Variants in AGBL4 observed in about 807,000 individuals in gnomAD.
AGBL4 encodes cytosolic carboxypeptidase 6.
AGBL4 carries 58 observed loss-of-function variants against 66.4 expected under a neutral mutation model. The observed-to-expected ratio is 0.87, with a 90% CI of 0.71 to 1.09. The LOEUF is 1.09. AGBL4 is among the 50% of genes least tolerant of loss of function. AGBL4 has a pLI of 0.00. For synonymous variants in AGBL4, 234 were observed against 222.9 expected, an observed-to-expected ratio of 1.05 and a Z score of -0.44; for missense variants, 579 against 631.0, an observed-to-expected ratio of 0.92 and a Z score of 0.88.
intron 6 of AGBL4, among the ~76,000 whole-genome samples, chr1:48,676,672 C>A (rs1472483406): frequency 1.3e-5 from 2 of 152,194 alleles, no homozygotes. Context: ...GGTGAACCAT[C>A]CTGCAGAAAC....
chr1:48,798,374 T>G (rs768222559), intron 6 of AGBL4, among the ~76,000 whole-genome samples: 35 of 152,334 alleles, frequency 2.3e-4, no homozygotes, highest in Non-Finnish European at 4.1e-4. Context: ...ATTCTGGATA[T>G]TAGTCCTTTG....
chr1:49,146,488 T>C (rs1157707011), intron 4 of AGBL4, among the ~76,000 whole-genome samples: 4 of 152,126 alleles, frequency 2.6e-5, no homozygotes, highest in Non-Finnish European at 5.9e-5. Flanking sequence ...TGTGGTGTGA[T>C]GAAACACAGA....
intron 3 of AGBL4, among the ~76,000 whole-genome samples, chr1:49,252,690 A>G (rs564724972): frequency 6.6e-6 from 1 of 152,344 alleles, no homozygotes; most frequent in Non-Finnish European, 1.5e-5. Context: ...ATGGAAGCCC[A>G]TAAGACTAAC....
chr1:49,213,119 G>A (rs1463781265), intron 4 of AGBL4, among the ~76,000 whole-genome samples: 1 of 151,966 alleles, frequency 6.6e-6, no homozygotes, highest in Non-Finnish European at 1.5e-5. Context: ...CTTCAATGGT[G>A]GAGAAGGGTA....
At chr1:49,770,985 T>C (rs1644041189) in intron 2 of AGBL4, among the ~76,000 whole-genome samples, 1 of 152,130 alleles carries the variant, frequency 6.6e-6, no homozygotes, top group Non-Finnish European at 1.5e-5. Flanking sequence ...TTTTAAATTT[T>C]TTTTAGTCTC....
chr1:48,818,311 C>T (rs1646234029), intron 6 of AGBL4: 1 of 715,066 alleles, frequency 1.4e-6, no homozygotes, highest in South Asian at 1.5e-5. Context: ...ATATTTATGG[C>T]CATATTTGAA....
intron 2 of AGBL4, among the ~76,000 whole-genome samples, chr1:49,802,362 G>A (rs1160966111): frequency 6.6e-6 from 1 of 152,124 alleles, no homozygotes; most frequent in Non-Finnish European, 1.5e-5. Context: ...ACTCCCTTCT[G>A]AGAATTTCTG....
At chr1:48,861,145 A>G (rs992423713) in intron 6 of AGBL4, among the ~76,000 whole-genome samples, 32 of 152,196 alleles carry the variant, frequency 2.1e-4, no homozygotes, top group Non-Finnish European at 4.1e-4. Flanking sequence ...AAAAAAATCT[A>G]GACTAGACAT....
intron 6 of AGBL4, among the ~76,000 whole-genome samples, chr1:48,774,921 G>A (rs1305834406): frequency 6.6e-6 from 1 of 152,126 alleles, no homozygotes; most frequent in African/African-American, 2.4e-5. Context: ...TACTCTCCTA[G>A]GACCCTTCCA....
chr1:49,880,241 G>T lies in AGBL4; in HGVS notation c.35-28723C>A, dbSNP rs1049583567. Among the ~76,000 whole-genome samples, 137 of 151,988 alleles carry T rather than the reference G, an allele frequency of 9.0e-4. 2 individuals carry two copies. The highest frequency in any genetic ancestry group is 9.0e-3 in the East Asian group (46 of 5,124). ...CTTTGGAGGAGGAGAGGCGCTCTGC[G>T]TTTTAGAGTTTCCAGATTTTCTGTT... is the stretch of plus-strand genomic sequence containing the variant. On this transcript the variant is annotated intron_variant, in intron 1 of 13. Coordinates refer to ENST00000371839, the MANE Select transcript of AGBL4 (RefSeq NM_032785.4).
chr1:49,151,660 A>G (rs1363185021), intron 4 of AGBL4, among the ~76,000 whole-genome samples: 1 of 152,066 alleles, frequency 6.6e-6, no homozygotes, highest in Admixed American at 6.6e-5. Flanking sequence ...TATTCTGGCG[A>G]AAAAAGACAG....
intron 9 of AGBL4, among the ~76,000 whole-genome samples, chr1:48,618,135 G>A (rs1397896929): frequency 1.3e-5 from 2 of 152,204 alleles, no homozygotes; most frequent in African/African-American, 2.4e-5. Flanking sequence ...TTGGAAGGCT[G>A]AGATGGGAAG....
intron 2 of AGBL4, among the ~76,000 whole-genome samples, chr1:49,833,234 C>T (rs1645747668): frequency 6.6e-6 from 1 of 152,178 alleles, no homozygotes; most frequent in Admixed American, 6.5e-5. Context: ...TTCCAAGCAC[C>T]ATTTATTTAA....
intron 2 of AGBL4, among the ~76,000 whole-genome samples, chr1:49,754,755 A>G (rs1360955474): frequency 6.6e-6 from 1 of 152,234 alleles, no homozygotes; most frequent in Non-Finnish European, 1.5e-5. Context: ...CAGAGCCATT[A>G]GCAGGAACAT....
At chr1:49,060,743 T>G (rs923833664) in intron 4 of AGBL4, among the ~76,000 whole-genome samples, 15 of 152,030 alleles carry the variant, frequency 9.9e-5, no homozygotes, top group African/African-American at 3.6e-4. Flanking sequence ...AATAGGACAA[T>G]ATAGAGCCCT....
chr1:48,620,109 A>T (rs1355424917), intron 9 of AGBL4, among the ~76,000 whole-genome samples: 1 of 152,166 alleles, frequency 6.6e-6, no homozygotes, highest in African/African-American at 2.4e-5. Context: ...CAAATGCAGG[A>T]AACCCTATGA....
chr1:48,698,161 T>TG (rs1646743902), intron 6 of AGBL4, among the ~76,000 whole-genome samples: 1 of 152,104 alleles, frequency 6.6e-6, no homozygotes, highest in Non-Finnish European at 1.5e-5. Context: ...AGCCTTGGTT[T>TG]GGGGGTGACC....
chr1:48,562,147 A>G (rs1644406180), intron 11 of AGBL4, among the ~76,000 whole-genome samples: 2 of 152,166 alleles, frequency 1.3e-5, no homozygotes, highest in African/African-American at 2.4e-5. Context: ...CTCAATCGTG[A>G]GTAAGATGTC....
intron 3 of AGBL4, among the ~76,000 whole-genome samples, chr1:49,325,083 C>T (rs911704173): frequency 3.9e-5 from 6 of 152,070 alleles, no homozygotes; most frequent in Non-Finnish European, 7.4e-5. Context: ...AGTGCAGTGG[C>T]ACAATCTTGG....
Sources: allele counts gnomAD v4.1 joint callset (sites outside exome capture counted in the v4.1 genomes callset), GRCh38; gene constraint gnomAD v4.1.1; transcripts MANE v1.5; gene names NCBI Gene and HGNC (gene_info 2026-07-23, HGNC 2026-07-21).